PLG: variants seen among roughly 807,000 people sequenced by gnomAD.
The protein encoded by PLG is plasminogen, also known as plasmin.
In PLG, 41 loss-of-function variants were observed where a neutral mutation model predicts 104.4. The ratio of observed to expected loss-of-function variants is 0.39; its 90% CI spans 0.31 to 0.51. The LOEUF (loss-of-function observed/expected upper bound fraction) is 0.51, where lower values mean the gene tolerates loss of function less well. Ranked by LOEUF, PLG falls within the 20% of genes least tolerant of loss-of-function variation. The pLI, the probability that PLG is intolerant of heterozygous loss-of-function variation, is 0.76. For synonymous variants in PLG, 337 were observed against 357.1 expected, an observed-to-expected ratio of 0.94 and a Z score of 0.63; for missense variants, 891 against 1,003.6, an observed-to-expected ratio of 0.89 and a Z score of 1.52.
intron 17 of PLG, among the ~76,000 whole-genome samples, chr6:160,751,120 A>C (rs1218798657): frequency 1.3e-5 from 2 of 152,228 alleles, no homozygotes; most frequent in Admixed American, 1.3e-4. Context: ...GGCACGGTAC[A>C]CTGTCACACC....
Position 160,706,769 on chromosome 6 carries a change from G to C in PLG, c.185+227G>C, listed in dbSNP as rs555820228. ...AAGGAAGTTATTTGTTTTTACACCG[G>C]ACACAAACATTAGCAGTTATTGTTC... On this transcript the variant is annotated intron_variant, in intron 2 of 18. Coordinates refer to ENST00000308192, the MANE Select transcript of PLG (RefSeq NM_000301.5). 1.4e-4 allele frequency among the ~76,000 whole-genome samples: 21 copies of C among 152,208 alleles called. No homozygotes were observed. In the East Asian group the frequency reaches 3.3e-3, roughly 24 times the overall value.
rs1231376750 is a variant in PLG at position 160,719,957 on chromosome 6, T to G, written c.1096+1119T>G. 3.3e-5 allele frequency among the ~76,000 whole-genome samples: 5 copies of G among 152,222 alleles called. No homozygotes were observed. The highest frequency in any genetic ancestry group is 7.3e-5 in the Non-Finnish European group (5 of 68,040). ...TTATTTATTTTACCATTTCTGGTGC[T>G]TCTCATCTACTGGGGTAGATCTCAA... On this transcript the variant is annotated intron_variant, in intron 9 of 18. Coordinates refer to ENST00000308192, the MANE Select transcript of PLG (RefSeq NM_000301.5). This position sits in a 1 kb window ranked among gnomAD's most constrained non-coding sequence, Gnocchi z 4.1.
chr6:160,706,832 T>C (rs778004984), intron 2 of PLG, among the ~76,000 whole-genome samples: 9 of 152,088 alleles, frequency 5.9e-5, no homozygotes, highest in Non-Finnish European at 1.0e-4. Flanking sequence ...AGTAAATGTT[T>C]GTTGAGGATC....
Position 160,736,496 on chromosome 6 carries a change from A to G in PLG, c.1682-391A>G, listed in dbSNP as rs745623309. Among the ~76,000 whole-genome samples, 2 of 152,192 alleles carry G rather than the reference A, an allele frequency of 1.3e-5. No individual in the cohort carries two copies. Among genetic ancestry groups the G allele is most frequent in the Non-Finnish European group, 2.9e-5 (2 of 68,034 alleles). The stretch of plus-strand genomic sequence containing the variant: ...TTTCAGTAAACTTTACATGGTTTAG[A>G]TGGTGATGGTGATGATGATGATTAT... On this transcript the variant is annotated intron_variant, in intron 13 of 18. Transcript: ENST00000308192. This position sits in a 1 kb window ranked among gnomAD's most constrained non-coding sequence, Gnocchi z 5.2.
chr6:160,753,115 A>G lies in PLG; in HGVS notation c.*54A>G. On this transcript the variant is annotated 3_prime_UTR_variant, in exon 19 of 19. Coordinates refer to ENST00000308192, the MANE Select transcript of PLG (RefSeq NM_000301.5). This position sits in a 1 kb window ranked among gnomAD's most constrained non-coding sequence, Gnocchi z 5.4. ...CTCACCTAGAGGCTGGAACGTGGGTAGGGATTTAGCATGCTGGAAATAACT... is the reference window on the plus strand; with the variant it reads ...CTCACCTAGAGGCTGGAACGTGGGTGGGGATTTAGCATGCTGGAAATAACT... 9.0e-7 allele frequency: 1 copy of G among 1,114,162 alleles called. No homozygotes were observed. Among genetic ancestry groups the G allele is most frequent in the Admixed American group, 2.0e-5 (1 of 50,738 alleles). The allele number at this position is 1,114,162 out of a possible 1,614,324, so 69.0% of individuals were successfully genotyped here.
rs2859879 is a variant in PLG, at chr6:160,739,051, G to A, written c.1878-17G>A. 1,050,290 of 1,613,234 alleles carry A rather than the reference G, an allele frequency of 0.65. 346,585 individuals are homozygous for A. The highest frequency in any genetic ancestry group is 0.79 in the African/African-American group (59,242 of 74,906). ...GGCTGGACCATATTTTCCTCTTGAC[G>A]TCCTCATCTTTTCTAGGTCCCCAAG... On this transcript the variant is annotated splice_polypyrimidine_tract_variant and intron_variant, in intron 15 of 18. Transcript: ENST00000308192. This position sits in a 1 kb window ranked among gnomAD's most constrained non-coding sequence, Gnocchi z 4.4.
intron 1 of PLG, chr6:160,706,032 G>C (rs773804714): frequency 3.9e-5 from 9 of 230,050 alleles, no homozygotes; most frequent in Non-Finnish European, 6.0e-5. Context: ...TCAACTTTTA[G>C]AGTCAGGGGT....
intron 1 of PLG, among the ~76,000 whole-genome samples, chr6:160,702,974 T>C (rs1777448125): frequency 6.6e-6 from 1 of 152,216 alleles, no homozygotes; most frequent in South Asian, 2.1e-4. Context: ...TTTTTACACA[T>C]ACATACATAC....
Position 160,732,058 on chromosome 6 carries a change from T to C in PLG, c.1587+165T>C, listed in dbSNP as rs1211065679. On this transcript the variant is annotated intron_variant, in intron 12 of 18. Transcript: ENST00000308192. The surrounding 1 kb of genome is among the most constrained non-coding windows in gnomAD (Gnocchi z 4.5). ...GGCATCAGGGGGCTAAGCTAGAATA[T>C]AATTGGCCTTAGTATGGAAAGTACA... 6.6e-6 allele frequency among the ~76,000 whole-genome samples: 1 copy of C among 152,144 alleles called. No individual in the cohort carries two copies.
In PLG at chr6:160,752,143, A is replaced by G; in HGVS notation, c.2154A>G (p.Glu718=). ...QGTFGAGLLK[E]AQLPVIENKV... is the part of the protein sequence containing the mutation. ...CTTTTGGAGCTGGCCTTCTCAAGGAAGCCCAGCTCCCTGTGATTGAGAATA... is the reference window on the plus strand; with the variant it reads ...CTTTTGGAGCTGGCCTTCTCAAGGAGGCCCAGCTCCCTGTGATTGAGAATA... Residue 718 remains glutamate (E), a synonymous_variant, in exon 18 of 19, where the codon GAA becomes GAG. Coordinates refer to ENST00000308192, the MANE Select transcript of PLG (RefSeq NM_000301.5). This position sits in a 1 kb window ranked among gnomAD's most constrained non-coding sequence, Gnocchi z 4.7. 1 of 1,613,412 alleles carries G rather than the reference A, an allele frequency of 6.2e-7. No homozygotes were observed. The highest frequency in any genetic ancestry group is 8.5e-7 in the Non-Finnish European group (1 of 1,179,324).
intron 10 of PLG, among the ~76,000 whole-genome samples, chr6:160,727,453 A>G (rs935744911): frequency 2.8e-5 from 4 of 144,210 alleles, no homozygotes; most frequent in Middle Eastern, 7.1e-3. Flanking sequence ...AATTTGTGAG[A>G]AAAAAAAAAA....
In PLG at chr6:160,740,878, G is replaced by A. The variant is rs564245378; in HGVS notation, c.2019-433G>A. ...AGGAAATGGAGGATCCAAGGATGGAGCAAGTTGCTCTGGGCACACAACACA... is the reference window on the plus strand; with the variant it reads ...AGGAAATGGAGGATCCAAGGATGGAACAAGTTGCTCTGGGCACACAACACA... On this transcript the variant is annotated intron_variant, in intron 16 of 18. Coordinates refer to ENST00000308192, the MANE Select transcript of PLG (RefSeq NM_000301.5). The surrounding 1 kb of genome is among the most constrained non-coding windows in gnomAD (Gnocchi z 5.2). 1.8e-4 allele frequency among the ~76,000 whole-genome samples: 28 copies of A among 152,284 alleles called. No individual in the cohort carries two copies. The highest frequency in any genetic ancestry group is 2.6e-4 in the African/African-American group (11 of 41,554).
At position 160,735,031 on chromosome 6, in the gene PLG, T is replaced by C. The variant is rs751931333; in HGVS notation, c.1681+943T>C. Reference sequence around the variant, plus strand: ...CACTGCCCAGCTTCGCATTTGGGCTTCTCCTAGGGACACCAAGAGGGAGGA... The same window carrying C: ...CACTGCCCAGCTTCGCATTTGGGCTCCTCCTAGGGACACCAAGAGGGAGGA... On this transcript the variant is annotated intron_variant, in intron 13 of 18. Transcript: ENST00000308192. The surrounding 1 kb of genome is among the most constrained non-coding windows in gnomAD (Gnocchi z 5.4). 6.8e-6 allele frequency among the ~76,000 whole-genome samples: 1 copy of C among 146,638 alleles called. No homozygotes were observed. The highest frequency in any genetic ancestry group is 1.5e-5 in the Non-Finnish European group (1 of 67,794).
chr6:160,747,447 A>T (rs758037216), intron 17 of PLG, among the ~76,000 whole-genome samples: 10 of 152,164 alleles, frequency 6.6e-5, no homozygotes, highest in African/African-American at 2.4e-4. Context: ...CTAGGAGGGC[A>T]TTAGGAGTCT....
At chr6:160,712,963 T>C (rs762129464) in intron 4 of PLG, 23 bp from the exon 5 acceptor site, 3 of 1,599,276 alleles carry the variant, frequency 1.9e-6, no homozygotes, top group Non-Finnish European at 1.7e-6. Flanking sequence ...ATAGTCTAAG[T>C]GCTTCTTTTC....
At chr6:160,748,575 A>T (rs1778338742) in intron 17 of PLG, among the ~76,000 whole-genome samples, 1 of 152,082 alleles carries the variant, frequency 6.6e-6, no homozygotes, top group South Asian at 2.1e-4. Flanking sequence ...TGCACCAAGC[A>T]CCAAGCACAT....
intron 5 of PLG, among the ~76,000 whole-genome samples, chr6:160,714,170 C>T (rs3900809): frequency 0.093 from 14,211 of 152,234 alleles, 871 homozygotes; most frequent in Non-Finnish European, 0.13. Flanking sequence ...CACCATGTTA[C>T]TTCAATAATT....
At position 160,732,777 on chromosome 6, in the gene PLG, A is replaced by C. The variant is rs950467455; in HGVS notation, c.1587+884A>C. 3.3e-5 allele frequency among the ~76,000 whole-genome samples: 5 copies of C among 152,194 alleles called. No individual in the cohort carries two copies. The highest frequency in any genetic ancestry group is 1.2e-4 in the African/African-American group (5 of 41,456). ...ACAGAAGAGATGCACGGGGCAAGGCATGTGAGAAGGGGCTCAGAGTTTCCA... is the reference window on the plus strand; with the variant it reads ...ACAGAAGAGATGCACGGGGCAAGGCCTGTGAGAAGGGGCTCAGAGTTTCCA... On this transcript the variant is annotated intron_variant, in intron 12 of 18. Transcript: ENST00000308192. This position sits in a 1 kb window ranked among gnomAD's most constrained non-coding sequence, Gnocchi z 4.5.
intron 17 of PLG, among the ~76,000 whole-genome samples, chr6:160,743,704 G>A (rs1340664204): frequency 6.6e-6 from 1 of 152,174 alleles, no homozygotes; most frequent in Non-Finnish European, 1.5e-5. Flanking sequence ...ATGTTGAATA[G>A]GAGTGGTGAA....
Sources: allele counts gnomAD v4.1 joint callset (sites outside exome capture counted in the v4.1 genomes callset), GRCh38; gene constraint gnomAD v4.1.1; non-coding constraint Gnocchi (gnomAD v3.1); transcripts MANE v1.5; gene names NCBI Gene and HGNC (gene_info 2026-07-23, HGNC 2026-07-21).